SLC35F4: variants seen among roughly 807,000 people sequenced by gnomAD.
The protein encoded by SLC35F4 is chromosome 14 open reading frame 36.
Under a neutral mutation model 44.2 loss-of-function variants are expected in SLC35F4, and 24 were observed. The observed-to-expected ratio is 0.54, with a 90% CI of 0.39 to 0.76. The LOEUF (loss-of-function observed/expected upper bound fraction) is 0.76, where lower values mean the gene tolerates loss of function less well. Among genes scored for constraint, SLC35F4 ranks in the 30% least tolerant of loss-of-function variants. SLC35F4 has a pLI of 0.00. For missense variants in SLC35F4, 562 were observed against 586.1 expected, an observed-to-expected ratio of 0.96 and a Z score of 0.42; for synonymous variants, 238 against 223.6, an observed-to-expected ratio of 1.06 and a Z score of -0.57.
At chr14:57,669,537 T>G (rs1485738945) in intron 1 of SLC35F4, among the ~76,000 whole-genome samples, 1 of 152,128 alleles carries the variant, frequency 6.6e-6, no homozygotes, top group Non-Finnish European at 1.5e-5. Context: ...TTTTTTAGCA[T>G]GAAGGGCAGT....
chr14:57,667,704 T>G (rs953764504), intron 1 of SLC35F4, among the ~76,000 whole-genome samples: 21 of 151,920 alleles, frequency 1.4e-4, no homozygotes, highest in Non-Finnish European at 2.8e-4. Context: ...ATGGTGTATA[T>G]GTGCCACATT....
chr14:57,659,830 GT>G (rs1162773014), intron 1 of SLC35F4, among the ~76,000 whole-genome samples: 2 of 152,124 alleles, frequency 1.3e-5, no homozygotes, highest in African/African-American at 4.8e-5. Context: ...ACAGTAAAAT[GT>G]TTTGGCAATA....
intron 1 of SLC35F4, among the ~76,000 whole-genome samples, chr14:57,952,240 A>T (rs892792965): frequency 6.6e-5 from 10 of 152,172 alleles, no homozygotes; most frequent in African/African-American, 2.4e-4. Context: ...GAATAGCATC[A>T]ACATCAACAA....
At chr14:57,689,061 C>T (rs919471280) in intron 1 of SLC35F4, among the ~76,000 whole-genome samples, 1 of 152,106 alleles carries the variant, frequency 6.6e-6, no homozygotes, top group Non-Finnish European at 1.5e-5. Context: ...AACACATCAT[C>T]AAGAAAACCA....
chr14:57,735,334 G>C (rs572922375), intron 1 of SLC35F4, among the ~76,000 whole-genome samples: 27 of 152,332 alleles, frequency 1.8e-4, no homozygotes, highest in African/African-American at 6.3e-4. Flanking sequence ...GCCCTAATTT[G>C]TTGGCTTCAA....
intron 1 of SLC35F4, among the ~76,000 whole-genome samples, chr14:57,619,501 A>G (rs144783981): frequency 2.0e-5 from 3 of 152,298 alleles, no homozygotes; most frequent in African/African-American, 7.2e-5. Flanking sequence ...CATCAACATC[A>G]ACAAAAAGGA....
At chr14:57,902,040 G>T (rs1455276836) in intron 1 of SLC35F4, among the ~76,000 whole-genome samples, 2 of 152,180 alleles carry the variant, frequency 1.3e-5, no homozygotes, top group African/African-American at 2.4e-5. Context: ...GAAGGCATCA[G>T]TAAGCACAAA....
intron 1 of SLC35F4, among the ~76,000 whole-genome samples, chr14:57,661,493 C>T (rs1007076207): frequency 2.0e-5 from 3 of 152,160 alleles, no homozygotes; most frequent in African/African-American, 7.2e-5. Flanking sequence ...TATAAACCTT[C>T]TAATTTGGTC....
At chr14:57,897,694 A>G (rs891628725) in intron 1 of SLC35F4, among the ~76,000 whole-genome samples, 2 of 152,156 alleles carry the variant, frequency 1.3e-5, no homozygotes, top group Non-Finnish European at 2.9e-5. Flanking sequence ...CCCTTTTGCT[A>G]ATGAAGAAAT....
intron 1 of SLC35F4, among the ~76,000 whole-genome samples, chr14:57,934,343 C>A (rs1889757369): frequency 6.7e-6 from 1 of 148,252 alleles, no homozygotes; most frequent in African/African-American, 2.5e-5. Context: ...GCTCAGCTTT[C>A]TCATCTGTAA....
At chr14:57,745,944 G>A (rs1011632490) in intron 1 of SLC35F4, among the ~76,000 whole-genome samples, 1 of 152,090 alleles carries the variant, frequency 6.6e-6, no homozygotes, top group Non-Finnish European at 1.5e-5. Context: ...GGACATGGAC[G>A]AAGCTGGAAA....
chr14:57,775,540 C>T (rs1053618417), intron 1 of SLC35F4, among the ~76,000 whole-genome samples: 1 of 152,178 alleles, frequency 6.6e-6, no homozygotes, highest in African/African-American at 2.4e-5. Flanking sequence ...CTGAGCTGAG[C>T]CTTGGCTCTT....
At chr14:57,605,916 G>C (rs1428103078) in intron 1 of SLC35F4, among the ~76,000 whole-genome samples, 1 of 152,068 alleles carries the variant, frequency 6.6e-6, no homozygotes, top group African/African-American at 2.4e-5. Context: ...ACATTGTGTA[G>C]ACATGGTCAT....
intron 1 of SLC35F4, among the ~76,000 whole-genome samples, chr14:57,954,146 T>C (rs1332775944): frequency 6.6e-6 from 1 of 152,120 alleles, no homozygotes; most frequent in African/African-American, 2.4e-5. Context: ...CACAACTACA[T>C]GGAAACTGAA....
chr14:57,748,881 A>G (rs919777962), intron 1 of SLC35F4, among the ~76,000 whole-genome samples: 3 of 152,202 alleles, frequency 2.0e-5, no homozygotes, highest in Non-Finnish European at 4.4e-5. Context: ...ATTCCAAAAT[A>G]GACAATATCA....
At chr14:57,960,042 T>C (rs1464898921) in intron 1 of SLC35F4, among the ~76,000 whole-genome samples, 1 of 152,190 alleles carries the variant, frequency 6.6e-6, no homozygotes, top group Non-Finnish European at 1.5e-5. Flanking sequence ...CCAGTCTGCC[T>C]GAGGGGGACA....
chr14:57,810,963 G>C (rs1008340190), intron 1 of SLC35F4, among the ~76,000 whole-genome samples: 2 of 152,198 alleles, frequency 1.3e-5, no homozygotes, highest in Non-Finnish European at 2.9e-5. Flanking sequence ...ATTAAGGGAA[G>C]CTCTGTCCCA....
chr14:57,615,477 G>A lies in SLC35F4; in HGVS notation c.104-21353C>T, dbSNP rs76940338. On this transcript the variant is annotated intron_variant, in intron 1 of 7. Coordinates refer to ENST00000556826, the MANE Select transcript of SLC35F4 (RefSeq NM_001306087.2). ...CAATTAAACTTATGTACTGGCTTTT[G>A]CCAAAGGACATAGTTTTAAAAATCC... Among the ~76,000 whole-genome samples the A allele has an allele frequency of 1.9e-3, 284 of 150,992 alleles. 1 individual carries two copies. The highest frequency in any genetic ancestry group is 6.0e-3 in the African/African-American group (246 of 41,082).
At chr14:57,938,727 T>G (rs1015849874) in intron 1 of SLC35F4, among the ~76,000 whole-genome samples, 6 of 152,094 alleles carry the variant, frequency 3.9e-5, no homozygotes, top group African/African-American at 1.4e-4. Context: ...GACTCTAAAC[T>G]CCTGACAGGT....
Sources: allele counts gnomAD v4.1 joint callset (sites outside exome capture counted in the v4.1 genomes callset), GRCh38; gene constraint gnomAD v4.1.1; transcripts MANE v1.5; gene names NCBI Gene and HGNC (gene_info 2026-07-23, HGNC 2026-07-21).